Variants in SPAG16 observed in about 807,000 individuals in gnomAD.
SPAG16 encodes the protein sperm associated antigen 16.
Under a neutral mutation model 80.4 loss-of-function variants are expected in SPAG16, and 86 were observed. That is an observed-to-expected ratio of 1.07 (90% CI 0.90 to 1.28). The LOEUF is 1.28. Among genes scored for constraint, SPAG16 ranks in the 50% most tolerant of loss-of-function variants. The pLI is 0.00. For missense variants in SPAG16, 870 were observed against 765.3 expected (o/e 1.14, Z -1.61); for synonymous variants, 294 against 265.9 (o/e 1.11, Z -1.03).
At chr2:213,704,517 C>G (rs1242306233) in intron 10 of SPAG16, among the ~76,000 whole-genome samples, 2 of 152,144 alleles carry the variant, frequency 1.3e-5, no homozygotes, top group Non-Finnish European at 2.9e-5. Context: ...AAGACCTTAG[C>G]AACGTGCCTG....
chr2:213,809,966 T>C (rs2072026714), intron 10 of SPAG16, among the ~76,000 whole-genome samples: 1 of 152,116 alleles, frequency 6.6e-6, no homozygotes, highest in Non-Finnish European at 1.5e-5. Flanking sequence ...TTAGTTTAGA[T>C]GATAAACCAT....
At chr2:214,264,978 G>A (rs1029040073) in intron 15 of SPAG16, among the ~76,000 whole-genome samples, 3 of 151,996 alleles carry the variant, frequency 2.0e-5, no homozygotes, top group East Asian at 1.9e-4. Flanking sequence ...TTTTAGCACT[G>A]AATAATATTT....
intron 15 of SPAG16, among the ~76,000 whole-genome samples, chr2:214,157,787 A>C (rs2056277979): frequency 6.6e-6 from 1 of 152,170 alleles, no homozygotes; most frequent in East Asian, 1.9e-4. Context: ...TAATTTATTC[A>C]GGAAACGAAG....
At chr2:213,285,962 C>T (rs1166591070) in intron 1 of SPAG16, 2 of 1,231,302 alleles carry the variant, frequency 1.6e-6, no homozygotes, top group African/African-American at 1.5e-5. Flanking sequence ...AAATTATTTC[C>T]GTGAACACAT....
chr2:213,438,977 C>G (rs1459662701), intron 9 of SPAG16, among the ~76,000 whole-genome samples: 1 of 152,166 alleles, frequency 6.6e-6, no homozygotes, highest in Admixed American at 6.5e-5. Context: ...TGGATGATAG[C>G]TGGCAAGAAA....
At position 214,009,475 on chromosome 2, in the gene SPAG16, C is replaced by T. The variant is rs57008274; in HGVS notation, c.1401-4476C>T. Reference sequence around the variant, plus strand: ...ACTTTAGATAATGTGTGTAATTTTACAGTTGCTTATTATAAGAGAAGTACA... The same window carrying T: ...ACTTTAGATAATGTGTGTAATTTTATAGTTGCTTATTATAAGAGAAGTACA... On this transcript the variant is annotated intron_variant, in intron 12 of 15. Transcript: ENST00000331683. Among the ~76,000 whole-genome samples, 1,492 of 152,190 alleles carry T rather than the reference C, an allele frequency of 9.8e-3. 26 individuals are homozygous for T. Among genetic ancestry groups the T allele is most frequent in the African/African-American group, 0.033 (1,365 of 41,498 alleles).
chr2:213,401,983 A>T (rs951497325), intron 9 of SPAG16, among the ~76,000 whole-genome samples: 1 of 152,096 alleles, frequency 6.6e-6, no homozygotes. Context: ...TCCTATTTAC[A>T]TATATTTTTG....
At chr2:214,175,288 TATATATATAAAGAA>T (rs1228787497) in intron 15 of SPAG16, among the ~76,000 whole-genome samples, 2 of 69,178 alleles carry the variant, frequency 2.9e-5, no homozygotes, top group Non-Finnish European at 4.6e-5. Context: ...AAGAAATGTG[TATATATATAAAGAA>T]ATATATATAT....
At chr2:214,087,394 A>T (rs924419064) in intron 13 of SPAG16, among the ~76,000 whole-genome samples, 2 of 152,174 alleles carry the variant, frequency 1.3e-5, no homozygotes, top group African/African-American at 2.4e-5. Flanking sequence ...AAACATGGAA[A>T]ATTGATTATG....
Position 213,510,387 on chromosome 2 carries a change from AT to A in SPAG16, c.1070+20305del, listed in dbSNP as rs113761851. ...TAATCACATTCTTTAACTATTTAAC[AT>A]TTTTTTTATTATTTTATTTTTTTAC... On this transcript the variant is annotated intron_variant, in intron 10 of 15. Transcript: ENST00000331683. Among the ~76,000 whole-genome samples the A allele has an allele frequency of 9.9e-3, 1,508 of 151,956 alleles. 29 individuals carry two copies. Among genetic ancestry groups the A allele is most frequent in the South Asian group, 0.049 (238 of 4,814 alleles).
At chr2:213,644,374 G>A (rs1044001136) in intron 10 of SPAG16, among the ~76,000 whole-genome samples, 2 of 151,952 alleles carry the variant, frequency 1.3e-5, no homozygotes, top group African/African-American at 4.8e-5. Context: ...ATTTGGTGAG[G>A]TCATGTTTTC....
Position 213,976,135 on chromosome 2 carries a change from T to TATATATATATATATATATACACAC in SPAG16, c.1401-37815_1401-37814insTATATATATATATATATACACACA, listed in dbSNP as rs749957411. Among the ~76,000 whole-genome samples, 9 of 81,400 alleles carry TATATATATATATATATATACACAC rather than the reference T, an allele frequency of 1.1e-4. No homozygotes were observed. In the South Asian group the frequency reaches 3.7e-3, roughly 33 times the overall value. 53.4% of individuals were successfully genotyped at this position (81,400 alleles called of 152,430 possible). A position where few individuals can be genotyped will look rare whatever the true frequency, so the allele number is the denominator to read the frequency against. ...ATATATATATATATATATATATATA[T>TATATATATATATATATATACACAC]ACACACACACACACACACACGTATG... is the stretch of plus-strand genomic sequence containing the variant. On this transcript the variant is annotated intron_variant, in intron 12 of 15. Coordinates refer to ENST00000331683, the MANE Select transcript of SPAG16 (RefSeq NM_024532.5).
intron 10 of SPAG16, among the ~76,000 whole-genome samples, chr2:213,554,992 G>A (rs2059383956): frequency 6.6e-6 from 1 of 151,624 alleles, no homozygotes; most frequent in Admixed American, 6.6e-5. Flanking sequence ...GGTACAAGAA[G>A]GTCCAAAATC....
chr2:214,242,224 A>T (rs573199127), intron 15 of SPAG16, among the ~76,000 whole-genome samples: 1 of 152,292 alleles, frequency 6.6e-6, no homozygotes, highest in East Asian at 1.9e-4. Flanking sequence ...TCACCCAGTC[A>T]CGAAACTCAC....
intron 15 of SPAG16, among the ~76,000 whole-genome samples, chr2:214,256,118 C>G (rs1296493733): frequency 6.6e-6 from 1 of 151,856 alleles, no homozygotes; most frequent in East Asian, 1.9e-4. Flanking sequence ...TTTGGTGTGT[C>G]AACATTTTTA....
intron 8 of SPAG16, among the ~76,000 whole-genome samples, chr2:213,371,128 G>A (rs1037309160): frequency 1.3e-5 from 2 of 152,112 alleles, no homozygotes; most frequent in African/African-American, 4.8e-5. Flanking sequence ...TTGAAAAGAG[G>A]CTGTGCGTGG....
At chr2:214,381,071 T>C (rs1041471150) in intron 15 of SPAG16, among the ~76,000 whole-genome samples, 4 of 152,180 alleles carry the variant, frequency 2.6e-5, no homozygotes, top group African/African-American at 9.7e-5. Flanking sequence ...TACCTTTTTT[T>C]CCCCAGGAAA....
chr2:213,751,840 A>C (rs559939351), intron 10 of SPAG16, among the ~76,000 whole-genome samples: 2 of 152,302 alleles, frequency 1.3e-5, no homozygotes, highest in East Asian at 3.9e-4. Context: ...GAAATAGCCC[A>C]AAAAAGGCAT....
intron 15 of SPAG16, among the ~76,000 whole-genome samples, chr2:214,201,949 G>C (rs879214122): frequency 6.6e-6 from 1 of 152,006 alleles, no homozygotes; most frequent in Non-Finnish European, 1.5e-5. Flanking sequence ...AGGCTCAAGT[G>C]ATCCTCCCAC....
Sources: allele counts gnomAD v4.1 joint callset (sites outside exome capture counted in the v4.1 genomes callset), GRCh38; gene constraint gnomAD v4.1.1; transcripts MANE v1.5; gene names NCBI Gene and HGNC (gene_info 2026-07-23, HGNC 2026-07-21).